ARHGAP32: variants seen among roughly 807,000 people sequenced by gnomAD.
ARHGAP32 encodes the protein rho GTPase-activating protein 32.
ARHGAP32 carries 51 observed loss-of-function variants against 186.5 expected under a neutral mutation model. That is an observed-to-expected ratio of 0.27 (90% CI 0.22 to 0.35). The LOEUF is 0.35. ARHGAP32 is among the 10% of genes least tolerant of loss of function. ARHGAP32 has a pLI of 1.00. For missense variants in ARHGAP32, 2,186 were observed against 2,623.5 expected, an observed-to-expected ratio of 0.83 and a Z score of 3.64; for synonymous variants, 950 against 964.3, an observed-to-expected ratio of 0.99 and a Z score of 0.27.
intron 5 of ARHGAP32, among the ~76,000 whole-genome samples, chr11:129,102,227 T>C (rs1489534287): frequency 6.6e-6 from 1 of 152,110 alleles, no homozygotes; most frequent in African/African-American, 2.4e-5. Context: ...AGAAAAACTG[T>C]TACCAGCTGC....
intron 11 of ARHGAP32, among the ~76,000 whole-genome samples, chr11:129,039,500 A>T (rs937265558): frequency 2.6e-5 from 4 of 152,200 alleles, no homozygotes; most frequent in African/African-American, 9.6e-5. Flanking sequence ...GATTCCATTT[A>T]TACAAAATGT....
At chr11:128,988,746 T>C (rs369664979) in intron 12 of ARHGAP32, among the ~76,000 whole-genome samples, 1 of 152,244 alleles carries the variant, frequency 6.6e-6, no homozygotes, top group Non-Finnish European at 1.5e-5. Flanking sequence ...TATTGACATT[T>C]TGACTTTATA....
At chr11:129,030,750 T>C (rs1404428194) in intron 11 of ARHGAP32, among the ~76,000 whole-genome samples, 1 of 152,222 alleles carries the variant, frequency 6.6e-6, no homozygotes, top group African/African-American at 2.4e-5. Flanking sequence ...TGATATAGTT[T>C]AGATATTTGT....
At chr11:129,007,542 C>A (rs981197944) in intron 11 of ARHGAP32, among the ~76,000 whole-genome samples, 1 of 151,982 alleles carries the variant, frequency 6.6e-6, no homozygotes, top group African/African-American at 2.4e-5. Context: ...GGGGGCCTCA[C>A]AACTCTCACC....
intron 1 of ARHGAP32, among the ~76,000 whole-genome samples, chr11:129,207,620 T>C (rs1944530760): frequency 6.6e-6 from 1 of 152,140 alleles, no homozygotes; most frequent in African/African-American, 2.4e-5. Flanking sequence ...TCTTTGTAGA[T>C]TCTGGATGTT....
chr11:128,982,395 T>C (rs1454937537), intron 15 of ARHGAP32, among the ~76,000 whole-genome samples: 1 of 152,052 alleles, frequency 6.6e-6, no homozygotes, highest in Non-Finnish European at 1.5e-5. Context: ...TCCACATATA[T>C]TGTGATTAAA....
chr11:129,059,744 C>T (rs1174394589), intron 10 of ARHGAP32, among the ~76,000 whole-genome samples: 2 of 152,032 alleles, frequency 1.3e-5, no homozygotes, highest in African/African-American at 4.8e-5. Context: ...ATGATCCACC[C>T]ACCTCGGCCT....
At chr11:129,049,983 A>G (rs775644605) in intron 10 of ARHGAP32, among the ~76,000 whole-genome samples, 2 of 152,200 alleles carry the variant, frequency 1.3e-5, no homozygotes, top group Non-Finnish European at 2.9e-5. Flanking sequence ...TGGGAACTTA[A>G]TTCTTATTTA....
In ARHGAP32 at chr11:129,140,446, C is replaced by T. The variant is rs116161061; in HGVS notation, c.226-15552G>A. The stretch of plus-strand genomic sequence containing the variant: ...CTTAAGCTTGTGATAATTTCTTATA[C>T]ATATTCAACAAAAAACAAATACTAA... On this transcript the variant is annotated intron_variant, in intron 2 of 22. Transcript: ENST00000682385. Among the ~76,000 whole-genome samples the T allele has an allele frequency of 6.1e-3, 930 of 152,300 alleles. 12 individuals carry two copies. Among genetic ancestry groups the T allele is most frequent in the African/African-American group, 0.021 (892 of 41,566 alleles).
intron 11 of ARHGAP32, among the ~76,000 whole-genome samples, chr11:129,039,130 T>A (rs1939486542): frequency 1.3e-5 from 2 of 152,174 alleles, no homozygotes; most frequent in South Asian, 4.1e-4. Context: ...GGAAGTCTCA[T>A]ACACTGCTGG....
chr11:129,089,548 A>C (rs1021273856), intron 6 of ARHGAP32, among the ~76,000 whole-genome samples: 4 of 152,154 alleles, frequency 2.6e-5, no homozygotes, highest in Non-Finnish European at 5.9e-5. Flanking sequence ...AGCTGGTGTG[A>C]CCACAGCATG....
intron 1 of ARHGAP32, among the ~76,000 whole-genome samples, chr11:129,214,291 C>T (rs759413178): frequency 7.2e-5 from 11 of 152,194 alleles, no homozygotes; most frequent in East Asian, 1.9e-4. Context: ...TGGTTCTTTA[C>T]GTAAGATGAA....
intron 1 of ARHGAP32, among the ~76,000 whole-genome samples, chr11:129,267,297 G>A (rs1488843182): frequency 6.6e-6 from 1 of 152,164 alleles, no homozygotes; most frequent in Non-Finnish European, 1.5e-5. Flanking sequence ...CTGGGAGGCG[G>A]AGGTTTCAGT....
At chr11:129,127,508 A>C (rs1942690537) in intron 2 of ARHGAP32, among the ~76,000 whole-genome samples, 1 of 149,416 alleles carries the variant, frequency 6.7e-6, no homozygotes, top group Non-Finnish European at 1.5e-5. Context: ...ATGAACAAAT[A>C]CAATACACTT....
chr11:129,195,718 A>G (rs991296180), upstream of ARHGAP32, among the ~76,000 whole-genome samples: 1 of 152,192 alleles, frequency 6.6e-6, no homozygotes, highest in Admixed American at 6.5e-5. Flanking sequence ...CCGTCTCAAA[A>G]AAAAAGGAAA....
chr11:129,103,304 T>A (rs1326310448), intron 5 of ARHGAP32, among the ~76,000 whole-genome samples: 1 of 151,878 alleles, frequency 6.6e-6, no homozygotes, highest in East Asian at 1.9e-4. Flanking sequence ...CAACAGTAAA[T>A]GAAAGGAGCA....
At chr11:129,035,862 C>T (rs968779830) in intron 11 of ARHGAP32, among the ~76,000 whole-genome samples, 12 of 151,920 alleles carry the variant, frequency 7.9e-5, no homozygotes, top group African/African-American at 2.9e-4. Context: ...AAAAAAAGCA[C>T]ATTTCCTTAT....
chr11:129,146,779 A>G (rs944473873), intron 2 of ARHGAP32, among the ~76,000 whole-genome samples: 1 of 152,024 alleles, frequency 6.6e-6, no homozygotes. Flanking sequence ...TCCTTTTTAG[A>G]TATGTTTATT....
chr11:129,220,086 C>T (rs1332191572), intron 1 of ARHGAP32, among the ~76,000 whole-genome samples: 1 of 152,124 alleles, frequency 6.6e-6, no homozygotes, highest in Non-Finnish European at 1.5e-5. Context: ...CTTTAGAAAA[C>T]TAGATCAGAC....
Sources: gnomAD v4.1 joint callset for allele counts (sites outside exome capture counted in the v4.1 genomes callset) on GRCh38, gnomAD v4.1.1 for gene constraint, MANE v1.5 for transcripts, NCBI Gene and HGNC (gene_info 2026-07-23, HGNC 2026-07-21) for gene names.